CDH13: variants seen among roughly 807,000 people sequenced by gnomAD.
CDH13 encodes the protein cadherin-13.
In CDH13, 24 loss-of-function variants were observed where a neutral mutation model predicts 63.8. The ratio of observed to expected loss-of-function variants is 0.38; its 90% CI spans 0.27 to 0.53. The LOEUF is 0.53. Ranked by LOEUF, CDH13 falls within the 20% of genes least tolerant of loss-of-function variation. The pLI is 0.85. For missense variants in CDH13, 1,049 were observed against 903.1 expected (o/e 1.16, Z -2.07); for synonymous variants, 503 against 355.3 (o/e 1.42, Z -4.67).
At chr16:83,512,064 G>C (rs897213553) in intron 7 of CDH13, among the ~76,000 whole-genome samples, 1 of 152,140 alleles carries the variant, frequency 6.6e-6, no homozygotes, top group African/African-American at 2.4e-5. Flanking sequence ...GCTCACGCCT[G>C]TAATTCCAGC....
At chr16:83,407,778 A>G (rs537008707) in intron 6 of CDH13, among the ~76,000 whole-genome samples, 1 of 152,198 alleles carries the variant, frequency 6.6e-6, no homozygotes, top group Non-Finnish European at 1.5e-5. Context: ...TCCTAAATTG[A>G]AGCCCTTTCC....
chr16:82,740,236 T>C (rs377001704), intron 1 of CDH13, among the ~76,000 whole-genome samples: 3 of 152,194 alleles, frequency 2.0e-5, no homozygotes, highest in African/African-American at 7.2e-5. Flanking sequence ...CAATAGTTGA[T>C]TGATTTCTTA....
At chr16:83,392,131 T>TAGACCC (rs1323589309) in intron 6 of CDH13, among the ~76,000 whole-genome samples, 1 of 152,146 alleles carries the variant, frequency 6.6e-6, no homozygotes, top group Non-Finnish European at 1.5e-5. Context: ...ACACTGATCT[T>TAGACCC]CTGTTAACCC....
intron 4 of CDH13, among the ~76,000 whole-genome samples, chr16:83,197,782 A>ACTCACACACTCATATG (rs1297018789): frequency 1.3e-5 from 2 of 148,484 alleles, no homozygotes; most frequent in African/African-American, 5.0e-5. Flanking sequence ...ACTCTCACAC[A>ACTCACACACTCATATG]CTCACACACT....
chr16:83,704,348 A>G (rs574488625), intron 10 of CDH13, among the ~76,000 whole-genome samples: 6 of 152,298 alleles, frequency 3.9e-5, no homozygotes, highest in African/African-American at 1.4e-4. Flanking sequence ...TCTCATTTCG[A>G]TGCCAGAATA....
intron 6 of CDH13, among the ~76,000 whole-genome samples, chr16:83,408,965 T>C (rs1049691677): frequency 2.4e-4 from 36 of 152,064 alleles, no homozygotes; most frequent in African/African-American, 8.7e-4. Context: ...GAACAGAAGA[T>C]TGGTGTCTGC....
At chr16:83,542,432 G>A (rs945512472) in intron 7 of CDH13, among the ~76,000 whole-genome samples, 1 of 152,194 alleles carries the variant, frequency 6.6e-6, no homozygotes, top group Non-Finnish European at 1.5e-5. Context: ...TCCCCACACT[G>A]CCTGATTCAG....
chr16:83,582,382 G>A (rs1381018204), intron 7 of CDH13, among the ~76,000 whole-genome samples: 1 of 152,114 alleles, frequency 6.6e-6, no homozygotes, highest in East Asian at 1.9e-4. Flanking sequence ...CCTTTGGAGA[G>A]GTTTTTTTTG....
chr16:83,160,088 GAAAA>G (rs778095471), intron 4 of CDH13, among the ~76,000 whole-genome samples: 1 of 149,278 alleles, frequency 6.7e-6, no homozygotes, highest in Non-Finnish European at 1.5e-5. Flanking sequence ...AAAATAAAGA[GAAAA>G]AAAAAATTGT....
At chr16:83,759,624 T>C (rs1192811004) in intron 11 of CDH13, among the ~76,000 whole-genome samples, 1 of 151,990 alleles carries the variant, frequency 6.6e-6, no homozygotes, top group African/African-American at 2.4e-5. Context: ...AAGATATTTA[T>C]AATACAAAGA....
At chr16:83,295,812 T>G (rs1164726088) in intron 5 of CDH13, among the ~76,000 whole-genome samples, 2 of 152,138 alleles carry the variant, frequency 1.3e-5, no homozygotes, top group Admixed American at 1.3e-4. Flanking sequence ...ACAATCTCAC[T>G]AGGGTTATAT....
intron 2 of CDH13, among the ~76,000 whole-genome samples, chr16:82,892,160 T>A (rs918218756): frequency 1.3e-5 from 2 of 152,206 alleles, no homozygotes; most frequent in Non-Finnish European, 2.9e-5. Flanking sequence ...TTTCCTCATA[T>A]GTGAAATGAA....
chr16:82,837,963 C>T (rs1198952422), intron 1 of CDH13, among the ~76,000 whole-genome samples: 6 of 152,190 alleles, frequency 3.9e-5, no homozygotes, highest in East Asian at 1.9e-4. Context: ...CAATCTGCTT[C>T]GTAACTCTTT....
intron 2 of CDH13, among the ~76,000 whole-genome samples, chr16:82,967,903 C>G (rs1052100330): frequency 6.6e-6 from 1 of 152,192 alleles, no homozygotes; most frequent in African/African-American, 2.4e-5. Flanking sequence ...TATTTCCAGA[C>G]TACACAAATA....
At chr16:83,285,883 C>T (rs1017341033) in intron 5 of CDH13, among the ~76,000 whole-genome samples, 2 of 152,276 alleles carry the variant, frequency 1.3e-5, no homozygotes, top group South Asian at 2.1e-4. Context: ...TCATTGTGGC[C>T]AGGCATCACA....
rs1330684316 is a variant in CDH13 at position 83,014,772 on chromosome 16, A to ATTTG, written c.158-17237_158-17236insTTGT. On this transcript the variant is annotated intron_variant, in intron 2 of 13. Transcript: ENST00000567109. ...TATATATATATATATATATATATAT[A>ATTTG]TATGTATATATATATATTTGTATAT... Among the ~76,000 whole-genome samples the ATTTG allele has an allele frequency of 1.2e-3, 82 of 69,582 alleles. 2 individuals carry two copies. Among genetic ancestry groups the ATTTG allele is most frequent in the Middle Eastern group, 0.02 (2 of 98 alleles). The allele number at this position is 69,582 out of a possible 152,430, so 45.6% of individuals were successfully genotyped here.
chr16:83,377,068 C>T (rs1271330900), intron 6 of CDH13, among the ~76,000 whole-genome samples: 2 of 152,140 alleles, frequency 1.3e-5, no homozygotes, highest in Non-Finnish European at 2.9e-5. Context: ...CAGAATTAGA[C>T]TCTCCAACCC....
Position 83,780,173 on chromosome 16 carries a change from TAA to T in CDH13, c.1889_1890del (p.Lys630SerfsTer90). The T allele has an allele frequency of 6.2e-7, 1 of 1,605,394 alleles. No individual in the cohort carries two copies. Among genetic ancestry groups the T allele is most frequent in the Non-Finnish European group, 8.5e-7 (1 of 1,174,984 alleles). ...AAATCCACAAACAAGCTGTTCCTGA[TAA>T]AGTCTGGAAGATCTCCAAGATCAAC... ...FEIHKQAVPDKVWKISKINNT... is the reference protein window; with the variant it reads ...FEIHKQAVPDXVWKISKINNT... On this transcript the variant is annotated frameshift_variant, in exon 12 of 14. Transcript: ENST00000567109. LOFTEE classifies it high-confidence loss of function.
At chr16:82,636,949 C>G (rs1908730867) in intron 1 of CDH13, among the ~76,000 whole-genome samples, 1 of 152,168 alleles carries the variant, frequency 6.6e-6, no homozygotes. Flanking sequence ...TAGCTCACCC[C>G]CTCACTCGTG....
Sources: allele counts gnomAD v4.1 joint callset (sites outside exome capture counted in the v4.1 genomes callset), GRCh38; gene constraint gnomAD v4.1.1; transcripts MANE v1.5; gene names NCBI Gene and HGNC (gene_info 2026-07-23, HGNC 2026-07-21).